The following PSD4 variants were observed in gnomAD, a reference collection of about 807,000 sequenced individuals.
The protein encoded by PSD4 is PH and SEC7 domain-containing protein 4.
Under a neutral mutation model 112.5 loss-of-function variants are expected in PSD4, and 59 were observed. The ratio of observed to expected loss-of-function variants is 0.52; its 90% CI spans 0.43 to 0.65. The LOEUF is 0.65. Among genes scored for constraint, PSD4 ranks in the 30% least tolerant of loss-of-function variants. The pLI is 0.00. For synonymous variants in PSD4, 533 were observed against 540.0 expected (o/e 0.99, Z 0.18); for missense variants, 1,267 against 1,352.6 (o/e 0.94, Z 0.99).
Position 113,184,965 on chromosome 2 carries a change from G to T in PSD4, c.1065G>T (p.Arg355Ser), listed in dbSNP as rs1443707923. The T allele has an allele frequency of 6.2e-7, 1 of 1,614,136 alleles. No homozygotes were observed. Among genetic ancestry groups the T allele is most frequent in the Non-Finnish European group, 8.5e-7 (1 of 1,180,014 alleles). ...PPGHGESEGDRLGPAPSAAPC... is the reference protein window; with the variant it reads ...PPGHGESEGDSLGPAPSAAPC... ...CTCTCTCGACTTCTCAGGGAGATAG[G>T]CTTGGTCCTGCTCCATCTGCAGCAC... Residue 355 changes from arginine (R) to serine (S), a missense_variant, in exon 3 of 17, where the codon AGG becomes AGT. Around this residue, in one of 2 missense-constraint regions of PSD4, gnomAD observed 723 missense variants for 704.0 expected, o/e 1.03. Coordinates refer to ENST00000245796, the MANE Select transcript of PSD4 (RefSeq NM_012455.3).
At chr2:113,199,034 G>C (rs967392827) in intron 15 of PSD4, 49 bp from the exon 16 acceptor site, 2 of 1,512,616 alleles carry the variant, frequency 1.3e-6, no homozygotes, top group Non-Finnish European at 1.8e-6. Flanking sequence ...CCCGGAAAGC[G>C]GCGGAGGGGA....
rs1562277 is a variant in PSD4 at position 113,182,703 on chromosome 2, G to C, written c.247G>C (p.Gly83Arg). ...CCTGGGGAGCTGGGTCCATCAGGACGGGCTGGAGCCTTGCCAGGAGCAAAC... is the reference window on the plus strand; with the variant it reads ...CCTGGGGAGCTGGGTCCATCAGGACCGGCTGGAGCCTTGCCAGGAGCAAAC... The part of the protein sequence containing the change: ...THLGSWVHQD[G>R]LEPCQEQTRA... Residue 83 changes from glycine (G) to arginine (R), a missense_variant, in exon 2 of 17, where the codon GGG becomes CGG. By Grantham distance (125) the Gly-to-Arg change is moderately radical. Around this residue, in one of 2 missense-constraint regions of PSD4, gnomAD observed 723 missense variants for 704.0 expected, o/e 1.03. Coordinates refer to ENST00000245796, the MANE Select transcript of PSD4 (RefSeq NM_012455.3). 3,473 of 1,607,516 alleles carry C rather than the reference G, an allele frequency of 2.2e-3. 6 individuals are homozygous for C. Among genetic ancestry groups the C allele is most frequent in the Non-Finnish European group, 2.6e-3 (3,089 of 1,175,648 alleles).
Position 113,185,078 on chromosome 2 carries a change from G to A in PSD4, c.1173+5G>A. On this transcript the variant is annotated splice_donor_5th_base_variant and intron_variant, in intron 3 of 16. Coordinates refer to ENST00000245796, the MANE Select transcript of PSD4 (RefSeq NM_012455.3). ...GCACATCCTGTGCAACCTTGGGCAA[G>A]TCACTTCCCCTTTCTGGGCCTTACT... is the stretch of plus-strand genomic sequence containing the variant. 6.2e-7 allele frequency: 1 copy of A among 1,614,110 alleles called. No homozygotes were observed. The highest frequency in any genetic ancestry group is 8.5e-7 in the Non-Finnish European group (1 of 1,179,950).
chr2:113,185,122 G>A lies in PSD4; in HGVS notation c.1173+49G>A, dbSNP rs770719940. The A allele has an allele frequency of 6.2e-6, 10 of 1,612,734 alleles. No individual in the cohort carries two copies. The East Asian group carries it at 2.2e-4, about 36-fold the overall frequency. On this transcript the variant is annotated intron_variant, in intron 3 of 16. Transcript: ENST00000245796. ...CCTTACTTTCTCCATCTTTGGAGGA[G>A]GAATATGAGCCCATTCATTTCCAGG...
At chr2:113,180,850 A>G (rs532966410) in intron 1 of PSD4, among the ~76,000 whole-genome samples, 17 of 152,300 alleles carry the variant, frequency 1.1e-4, no homozygotes, top group African/African-American at 3.6e-4. Context: ...ATATTCTAAT[A>G]TAGCTCACAA....
intron 8 of PSD4, 89 bp downstream of exon 8, chr2:113,193,459 T>C (rs1179049427): frequency 1.4e-5 from 21 of 1,483,080 alleles, no homozygotes; most frequent in Non-Finnish European, 2.0e-5. Flanking sequence ...AGTGAACTGG[T>C]GGGAGTGTGT....
chr2:113,182,021 T>A (rs181366432), intron 1 of PSD4, among the ~76,000 whole-genome samples: 151 of 142,172 alleles, frequency 1.1e-3, no homozygotes, highest in African/African-American at 3.9e-3. Flanking sequence ...GCCAACCACC[T>A]CGGTCTCCAC....
At position 113,181,558 on chromosome 2, in the gene PSD4, C is replaced by G. The variant is rs1005636728; in HGVS notation, c.-111-788C>G. Among the ~76,000 whole-genome samples, 4 of 152,314 alleles carry G rather than the reference C, an allele frequency of 2.6e-5. 1 individual carries two copies. Among genetic ancestry groups the G allele is most frequent in the Admixed American group, 2.6e-4 (4 of 15,306 alleles). The stretch of plus-strand genomic sequence containing the variant: ...ACAGCAGCTCTGGGCAGATGTGAGG[C>G]AGTTCCAGGCAGACATGGCTGCCAC... On this transcript the variant is annotated intron_variant, in intron 1 of 16. Transcript: ENST00000245796.
chr2:113,199,076 C>A lies in PSD4; in HGVS notation c.2770-7C>A. On this transcript the variant is annotated splice_region_variant and splice_polypyrimidine_tract_variant and intron_variant, in intron 15 of 16. Coordinates refer to ENST00000245796, the MANE Select transcript of PSD4 (RefSeq NM_012455.3). ...GGACAGCGCCCCTCACCGCCCGCTG[C>A]TCGCAGGAGGAGCAGCATCGATCCC... 1 of 1,524,612 alleles carries A rather than the reference C, an allele frequency of 6.6e-7. No homozygotes were observed. The highest frequency in any genetic ancestry group is 2.1e-5 in the Admixed American group (1 of 47,998). The allele number at this position is 1,524,612 out of a possible 1,614,324, so 94.4% of individuals were successfully genotyped here. A position where few individuals can be genotyped will look rare whatever the true frequency, so the allele number is the denominator to read the frequency against.
At chr2:113,195,631 C>A in intron 10 of PSD4, 96 bp from the exon 11 acceptor site, 1 of 1,347,092 alleles carries the variant, frequency 7.4e-7, no homozygotes, top group Non-Finnish European at 1.1e-6. Flanking sequence ...AGGAGGCAGG[C>A]TGTACACATG....
chr2:113,196,178 G>C lies in PSD4; in HGVS notation c.2257G>C (p.Ala753Pro). 1.9e-6 allele frequency: 3 copies of C among 1,613,634 alleles called. No individual in the cohort carries two copies. Among genetic ancestry groups the C allele is most frequent in the Non-Finnish European group, 2.5e-6 (3 of 1,179,580 alleles). ...AGAAGACACAGCCAGACCTGAGAAG[G>C]CCCAGCCGTCCCTGCCAGCTGGCAA... ...DEEDTARPEK[A>P]QPSLPAGKMS... The change falls in exon 12 of 17, where the codon GCC becomes CCC. Residue 753 changes from alanine (A) to proline (P), a missense_variant. Transcript: ENST00000245796.
Position 113,179,470 on chromosome 2 carries a change from C to T in PSD4, c.-111-2876C>T, listed in dbSNP as rs141868342. ...ACCCCAAGAGAGGGTTCTTGGATCT[C>T]GTGCAAGAAAGAATTCAAGGTGAAT... On this transcript the variant is annotated intron_variant, in intron 1 of 16. Transcript: ENST00000245796. 1.6e-3 allele frequency among the ~76,000 whole-genome samples: 244 copies of T among 152,166 alleles called. 6 individuals carry two copies. Among genetic ancestry groups the T allele is most frequent in the East Asian group, 1.2e-3 (6 of 5,170 alleles).
chr2:113,197,836 C>T lies in PSD4; in HGVS notation c.2547C>T (p.Pro849=), dbSNP rs1558657132. 10 of 1,610,858 alleles carry T rather than the reference C, an allele frequency of 6.2e-6. No homozygotes were observed. The highest frequency in any genetic ancestry group is 2.2e-5 in the East Asian group (1 of 44,822). ...PVGVHHSLAT[P]ATHYTKKPHV... ...GGGTGCACCACTCGCTGGCCACCCC[C>T]GCCACGCATTACACCAAGAAGCCGC... Residue 849 remains proline (P), a synonymous_variant, in exon 14 of 17, where the codon CCC becomes CCT. Coordinates refer to ENST00000245796, the MANE Select transcript of PSD4 (RefSeq NM_012455.3).
intron 1 of PSD4, among the ~76,000 whole-genome samples, chr2:113,181,236 A>AG (rs1274317354): frequency 6.6e-6 from 1 of 151,966 alleles, no homozygotes; most frequent in African/African-American, 2.4e-5. Flanking sequence ...TCAAAAAAAA[A>AG]AAAAAAAGAC....
rs145761056 is a variant in PSD4, at chr2:113,193,307, C to T, written c.1969C>T (p.Arg657Ter). The T allele has an allele frequency of 6.3e-6, 10 of 1,597,622 alleles. No homozygotes were observed. Among genetic ancestry groups the T allele is most frequent in the East Asian group, 2.2e-5 (1 of 44,750 alleles). ...CAGTGGGGAGACTCAGGAACGGGAG[C>T]GAATCCTCTACCAGTTCTCCAGACG... is the stretch of plus-strand genomic sequence containing the variant. ...VLSGETQERERILYQFSRRFH... is the reference protein window; with the variant it reads ...VLSGETQERE Residue 657 changes from arginine (R) to a stop codon, truncating the protein, a stop_gained, in exon 8 of 17, where the codon CGA (arginine) becomes TGA (stop). Coordinates refer to ENST00000245796, the MANE Select transcript of PSD4 (RefSeq NM_012455.3). LOFTEE classifies it high-confidence loss of function.
chr2:113,182,773 C>G lies in PSD4; in HGVS notation c.317C>G (p.Pro106Arg). The G allele has an allele frequency of 1.3e-6, 2 of 1,594,846 alleles. No homozygotes were observed. Among genetic ancestry groups the G allele is most frequent in the Non-Finnish European group, 1.7e-6 (2 of 1,168,892 alleles). Residue 106 changes from proline to arginine, a missense_variant, in exon 2 of 17, where the codon CCC (proline) becomes CGC (arginine). By Grantham distance (103) the Pro-to-Arg change is moderately radical. Transcript: ENST00000245796. ...GAATCTACCAGACAAGATGCTCCTCCCTGGGGCTCCGGTGTGGAGCTCACA... is the reference window on the plus strand; with the variant it reads ...GAATCTACCAGACAAGATGCTCCTCGCTGGGGCTCCGGTGTGGAGCTCACA... ...PPESTRQDAP[P>R]WGSGVELTHL...
chr2:113,189,685 G>T (rs908432146), intron 5 of PSD4, among the ~76,000 whole-genome samples: 6 of 152,036 alleles, frequency 3.9e-5, no homozygotes, highest in Admixed American at 3.9e-4. Context: ...TCTATTTTTT[G>T]ATTTTTTGAT....
chr2:113,192,404 C>T lies in PSD4; in HGVS notation c.1653C>T (p.Asn551=). The change falls in exon 6 of 17, where the codon AAC becomes AAT. Residue 551 remains asparagine (N), a synonymous_variant. Coordinates refer to ENST00000245796, the MANE Select transcript of PSD4 (RefSeq NM_012455.3). ...AEHENLRTPM[N]SSWLPGSPMP... is the part of the protein sequence containing the mutation. ...GTGAGAATCTGAGGACACCGATGAACTCTTCTTGGCTTCCTGGGAGCCCTA... is the reference window on the plus strand; with the variant it reads ...GTGAGAATCTGAGGACACCGATGAATTCTTCTTGGCTTCCTGGGAGCCCTA... The T allele has an allele frequency of 6.2e-7, 1 of 1,614,240 alleles. No homozygotes were observed. The highest frequency in any genetic ancestry group is 8.5e-7 in the Non-Finnish European group (1 of 1,180,038).
At chr2:113,188,781 C>T (rs547786664) in intron 5 of PSD4, among the ~76,000 whole-genome samples, 9 of 152,168 alleles carry the variant, frequency 5.9e-5, no homozygotes, top group African/African-American at 2.2e-4. Flanking sequence ...GGGGTTTCCC[C>T]GTGGTCTTGA....
Sources: allele counts gnomAD v4.1 joint callset (sites outside exome capture counted in the v4.1 genomes callset), GRCh38; gene constraint gnomAD v4.1.1; regional missense constraint gnomAD v4.1.1; transcripts MANE v1.5; gene names NCBI Gene and HGNC (gene_info 2026-07-23, HGNC 2026-07-21).